VAV2: variants seen among roughly 807,000 people sequenced by gnomAD.
VAV2 encodes the protein vav guanine nucleotide exchange factor 2.
Under a neutral mutation model 132.5 loss-of-function variants are expected in VAV2, and 67 were observed. The observed-to-expected ratio is 0.51, with a 90% CI of 0.42 to 0.62. The LOEUF (loss-of-function observed/expected upper bound fraction) is 0.62. Among genes scored for constraint, VAV2 ranks in the 20% least tolerant of loss-of-function variants. The probability of loss-of-function intolerance (pLI) is 0.00; values close to 1 mark genes in which losing one functional copy is unlikely to be tolerated. For synonymous variants in VAV2, 492 were observed against 443.5 expected, an observed-to-expected ratio of 1.11 and a Z score of -1.37; for missense variants, 938 against 1,153.6, an observed-to-expected ratio of 0.81 and a Z score of 2.71.
intron 25 of VAV2, among the ~76,000 whole-genome samples, chr9:133,774,284 AG>A (rs1833733637): frequency 6.6e-6 from 1 of 152,100 alleles, no homozygotes; most frequent in African/African-American, 2.4e-5. Flanking sequence ...CCCTACCCCC[AG>A]CTCCTGGTCG....
intron 2 of VAV2, among the ~76,000 whole-genome samples, chr9:133,920,444 C>T (rs896908648): frequency 2.0e-5 from 3 of 152,190 alleles, no homozygotes; most frequent in Non-Finnish European, 4.4e-5. Flanking sequence ...CAGAACCACA[C>T]CACTGGATCA....
chr9:133,939,706 G>A (rs908729426), intron 1 of VAV2, among the ~76,000 whole-genome samples: 1 of 152,238 alleles, frequency 6.6e-6, no homozygotes, highest in African/African-American at 2.4e-5. Context: ...GCATGCTCAC[G>A]TGGGCACGTG....
At chr9:133,920,967 A>T (rs1006846637) in intron 2 of VAV2, among the ~76,000 whole-genome samples, 2 of 152,214 alleles carry the variant, frequency 1.3e-5, no homozygotes, top group Non-Finnish European at 2.9e-5. Context: ...ATCGTGCGGG[A>T]TCAGAAACTC....
chr9:133,953,641 T>C lies in VAV2; in HGVS notation c.205-14422A>G, dbSNP rs1222654941. On this transcript the variant is annotated intron_variant, in intron 1 of 29. Transcript: ENST00000371850. The stretch of plus-strand genomic sequence containing the variant: ...GTGTGGAACCTCAGACCCAGTTCCC[T>C]CTGACCACCATGGGGCCCAGCTTCA... Among the ~76,000 whole-genome samples the C allele has an allele frequency of 2.6e-5, 4 of 152,248 alleles. No individual in the cohort carries two copies. The East Asian group carries it at 7.7e-4, about 29-fold the overall frequency.
chr9:133,862,498 C>T (rs1335393009), intron 2 of VAV2, among the ~76,000 whole-genome samples: 4 of 152,268 alleles, frequency 2.6e-5, no homozygotes, highest in Admixed American at 2.0e-4. Flanking sequence ...TGTGACAGCT[C>T]GCGTGTGTGG....
chr9:133,888,591 C>T (rs1042238601), intron 2 of VAV2, among the ~76,000 whole-genome samples: 7 of 152,218 alleles, frequency 4.6e-5, no homozygotes, highest in African/African-American at 1.4e-4. Context: ...GACAGACAGA[C>T]GGATGCAGCT....
rs748850309 is a variant in VAV2 at position 133,961,033 on chromosome 9, C to T, written c.205-21814G>A. 4.6e-5 allele frequency among the ~76,000 whole-genome samples: 7 copies of T among 152,186 alleles called. No homozygotes were observed. The highest frequency in any genetic ancestry group is 2.0e-4 in the Admixed American group (3 of 15,284). On this transcript the variant is annotated intron_variant, in intron 1 of 29. Transcript: ENST00000371850. The surrounding 1 kb of genome is among the most constrained non-coding windows in gnomAD (Gnocchi z 4.1). ...TTGCAATGCGACGCCTGCCTGGGAG[C>T]GCAGGTGAGGGAGCAGGGGCCTCCA...
At position 133,965,211 on chromosome 9, in the gene VAV2, G is replaced by T. The variant is rs149615179; in HGVS notation, c.205-25992C>A. Among the ~76,000 whole-genome samples the T allele has an allele frequency of 5.9e-3, 901 of 152,074 alleles. 6 individuals carry two copies. Among genetic ancestry groups the T allele is most frequent in the African/African-American group, 0.021 (857 of 41,464 alleles). On this transcript the variant is annotated intron_variant, in intron 1 of 29. Transcript: ENST00000371850. Reference sequence around the variant, plus strand: ...ATAAAAAAAAAATCAAGAAAGGCCAGGCACAGTGGCTCATGCCTCTAATCA... The same window carrying T: ...ATAAAAAAAAAATCAAGAAAGGCCATGCACAGTGGCTCATGCCTCTAATCA...
intron 1 of VAV2, among the ~76,000 whole-genome samples, chr9:133,979,520 C>T (rs1300374844): frequency 1.3e-5 from 2 of 152,216 alleles, no homozygotes; most frequent in Non-Finnish European, 2.9e-5. Flanking sequence ...CCGTCCGGAA[C>T]TCGGACAGAG....
At chr9:133,932,327 C>T (rs186820126) in intron 2 of VAV2, among the ~76,000 whole-genome samples, 54 of 152,342 alleles carry the variant, frequency 3.5e-4, no homozygotes, top group African/African-American at 1.0e-3. Flanking sequence ...GCAAGGGCTG[C>T]GGACTCACCC....
intron 3 of VAV2, among the ~76,000 whole-genome samples, chr9:133,850,575 C>G (rs1364573026): frequency 2.0e-5 from 3 of 152,228 alleles, no homozygotes; most frequent in African/African-American, 7.2e-5. Flanking sequence ...GTGATGCTTT[C>G]TGGGCCTCAG....
intron 16 of VAV2, 191 bp from the exon 17 acceptor site, chr9:133,786,076 T>C: frequency 1.6e-6 from 1 of 637,916 alleles, no homozygotes; most frequent in Non-Finnish European, 2.9e-6. Flanking sequence ...CGTGCACACG[T>C]GCCTCTGTAT....
chr9:133,844,550 C>T (rs1836856061), intron 3 of VAV2, among the ~76,000 whole-genome samples: 1 of 152,254 alleles, frequency 6.6e-6, no homozygotes, highest in Non-Finnish European at 1.5e-5. Context: ...GGCACGGCTG[C>T]TCCACCCAGC....
At chr9:133,810,240 G>C (rs770308385) in intron 5 of VAV2, 35 bp from the exon 6 acceptor site, 1 of 1,612,610 alleles carries the variant, frequency 6.2e-7, no homozygotes, top group Non-Finnish European at 8.5e-7. Context: ...AAACAGCGCC[G>C]GTTAGCAGGG....
chr9:133,956,393 G>A (rs149479177), intron 1 of VAV2, among the ~76,000 whole-genome samples: 306 of 152,298 alleles, frequency 2.0e-3, no homozygotes, highest in African/African-American at 7.0e-3. Context: ...GGGTCTGGGG[G>A]CCTGGTGGGG....
intron 1 of VAV2, among the ~76,000 whole-genome samples, chr9:133,954,635 A>G (rs1841685911): frequency 6.6e-6 from 1 of 152,178 alleles, no homozygotes; most frequent in South Asian, 2.1e-4. Flanking sequence ...CGGGCGGGGG[A>G]TGCTGCTGAT....
At chr9:133,865,248 C>T (rs1242721246) in intron 2 of VAV2, among the ~76,000 whole-genome samples, 5 of 152,310 alleles carry the variant, frequency 3.3e-5, no homozygotes, top group Non-Finnish European at 5.9e-5. Context: ...ACGTAGACTG[C>T]GGATTCACTG....
intron 2 of VAV2, among the ~76,000 whole-genome samples, chr9:133,878,055 G>A (rs753698449): frequency 4.6e-5 from 7 of 152,184 alleles, no homozygotes; most frequent in East Asian, 1.9e-4. Flanking sequence ...GCTGTCTGAC[G>A]GTGAAGGAGG....
At position 133,823,874 on chromosome 9, in the gene VAV2, C is replaced by A. The variant is rs1018444702; in HGVS notation, c.449+10398G>T. The stretch of plus-strand genomic sequence containing the variant: ...CAGGCCATACCTGCTCACACACACA[C>A]GGGAATGCGGAGCGGGCAGGGTGGT... On this transcript the variant is annotated intron_variant, in intron 4 of 29. Transcript: ENST00000371850. The surrounding 1 kb of genome is among the most constrained non-coding windows in gnomAD (Gnocchi z 5.5). Among the ~76,000 whole-genome samples the A allele has an allele frequency of 6.6e-6, 1 of 152,194 alleles. No individual in the cohort carries two copies.
Sources: allele counts gnomAD v4.1 joint callset (sites outside exome capture counted in the v4.1 genomes callset), GRCh38; gene constraint gnomAD v4.1.1; non-coding constraint Gnocchi (gnomAD v3.1); transcripts MANE v1.5; gene names NCBI Gene and HGNC (gene_info 2026-07-23, HGNC 2026-07-21).